ANKRD30B: variants seen among roughly 807,000 people sequenced by gnomAD.
The protein encoded by ANKRD30B is ankyrin repeat domain 30B.
ANKRD30B carries 144 observed loss-of-function variants against 202.2 expected under a neutral mutation model. The observed-to-expected ratio is 0.71, with a 90% CI of 0.62 to 0.82. ANKRD30B has a LOEUF of 0.82. Among genes scored for constraint, ANKRD30B ranks in the 40% least tolerant of loss-of-function variants. The pLI is 0.00. For missense variants in ANKRD30B, 1,487 were observed against 1,669.1 expected, an observed-to-expected ratio of 0.89 and a Z score of 1.90; for synonymous variants, 508 against 561.3, an observed-to-expected ratio of 0.91 and a Z score of 1.34.
At chr18:14,933,866 G>T in the ANKRD30B span, among the ~76,000 whole-genome samples, 2 of 152,206 alleles carry the variant, frequency 1.3e-5, no homozygotes, top group Non-Finnish European at 2.9e-5. Context: ...GTACAGGGCT[G>T]CTCTGAAACC....
At chr18:14,936,673 T>A in the ANKRD30B span, among the ~76,000 whole-genome samples, 1 of 152,202 alleles carries the variant, frequency 6.6e-6, no homozygotes, top group African/African-American at 2.4e-5. Context: ...ACAACCTCTC[T>A]GTGTGAGTAG....
chr18:14,865,024 C>G, the ANKRD30B span, among the ~76,000 whole-genome samples: 3 of 151,668 alleles, frequency 2.0e-5, no homozygotes, highest in African/African-American at 4.8e-5. Flanking sequence ...CCATCTACCC[C>G]GAACTATTTT....
At chr18:14,772,005 GA>G (rs771228637) in intron 8 of ANKRD30B, 150 bp from the exon 9 acceptor site, 11 of 417,532 alleles carry the variant, frequency 2.6e-5, no homozygotes, top group Non-Finnish European at 4.2e-5. Context: ...ATTCTACCAA[GA>G]AACATGATAT....
chr18:14,797,404 T>C (rs1164699838), intron 18 of ANKRD30B, among the ~76,000 whole-genome samples: 1 of 152,190 alleles, frequency 6.6e-6, no homozygotes, highest in Non-Finnish European at 1.5e-5. Context: ...TGGCATTGTC[T>C]TTACACAATC....
chr18:14,764,176 T>C (rs1379743972), intron 7 of ANKRD30B, 86 bp downstream of exon 7: 1 of 1,340,382 alleles, frequency 7.5e-7, no homozygotes, highest in Non-Finnish European at 9.9e-7. Flanking sequence ...TTGTTGGGAA[T>C]GTCTTGAATA....
At chr18:14,800,523 A>T (rs1359581055) in intron 22 of ANKRD30B, among the ~76,000 whole-genome samples, 1 of 151,070 alleles carries the variant, frequency 6.6e-6, no homozygotes, top group Non-Finnish European at 1.5e-5. Flanking sequence ...ACGGGGTTTC[A>T]CCATGTTAGC....
chr18:14,888,625 G>C, the ANKRD30B span: 2 of 397,542 alleles, frequency 5.0e-6, no homozygotes, highest in Non-Finnish European at 8.9e-6. Context: ...AAAATAAAAG[G>C]AAAGAAAATT....
At chr18:14,927,189 A>G in the ANKRD30B span, among the ~76,000 whole-genome samples, 1 of 152,216 alleles carries the variant, frequency 6.6e-6, no homozygotes, top group Non-Finnish European at 1.5e-5. Context: ...AGGTAAAGGC[A>G]CAAATTACCT....
chr18:14,846,993 T>C (rs1275493406), intron 39 of ANKRD30B, among the ~76,000 whole-genome samples: 1 of 141,094 alleles, frequency 7.1e-6, no homozygotes, highest in African/African-American at 2.7e-5. Context: ...TTCTTTGCTC[T>C]GTTTTGTTCT....
chr18:14,914,352 G>A, the ANKRD30B span, among the ~76,000 whole-genome samples: 1 of 152,186 alleles, frequency 6.6e-6, no homozygotes, highest in Non-Finnish European at 1.5e-5. Context: ...TTTGATTTGT[G>A]TGGGGATCCA....
At position 14,797,824 on chromosome 18, in the gene ANKRD30B, G is replaced by T. The variant is rs567238605; in HGVS notation, c.1999G>T (p.Glu667Ter). The T allele has an allele frequency of 1.5e-4, 226 of 1,551,166 alleles. No homozygotes were observed. In the South Asian group the frequency reaches 2.4e-3, roughly 17 times the overall value. ...AGTTTCTCTTCCAAATAAAGCCTTAGAATTAAAGGACAGAGAAACACTCAA... is the reference window on the plus strand; with the variant it reads ...AGTTTCTCTTCCAAATAAAGCCTTATAATTAAAGGACAGAGAAACACTCAA... ...RKVSLPNKAL[E>*]LKDRETLKAE... Residue 667 changes from glutamate (E) to a stop codon, truncating the protein, a stop_gained, in exon 20 of 44, where the codon GAA (glutamate) becomes TAA (stop). Coordinates refer to ENST00000690538, the MANE Select transcript of ANKRD30B (RefSeq NM_001367607.2). LOFTEE classifies it high-confidence loss of function.
chr18:14,829,014 CT>C (rs1279487601), intron 33 of ANKRD30B, among the ~76,000 whole-genome samples: 3 of 152,144 alleles, frequency 2.0e-5, no homozygotes, highest in African/African-American at 7.2e-5. Context: ...AAGCAGTCCC[CT>C]CTTAGTTGCA....
At chr18:14,820,927 C>G (rs1970381809) in intron 30 of ANKRD30B, among the ~76,000 whole-genome samples, 3 of 152,224 alleles carry the variant, frequency 2.0e-5, no homozygotes, top group East Asian at 3.9e-4. Flanking sequence ...GGAATAGTTT[C>G]AGAAGGAATG....
the ANKRD30B span, among the ~76,000 whole-genome samples, chr18:14,891,024 G>T: frequency 1.3e-5 from 2 of 151,988 alleles, no homozygotes; most frequent in African/African-American, 4.8e-5. Flanking sequence ...TTATTAAAAT[G>T]ATGTAAGAAT....
the ANKRD30B span, among the ~76,000 whole-genome samples, chr18:14,871,064 C>G: frequency 5.9e-4 from 64 of 108,312 alleles, no homozygotes; most frequent in African/African-American, 2.4e-3. Flanking sequence ...CCCACCCACA[C>G]ACCCCCACCC....
the ANKRD30B span, among the ~76,000 whole-genome samples, chr18:14,912,784 T>C: frequency 5.3e-5 from 8 of 152,364 alleles, no homozygotes; most frequent in East Asian, 1.5e-3. Context: ...AGTGATTCCA[T>C]AAAATTACTC....
the ANKRD30B span, among the ~76,000 whole-genome samples, chr18:14,862,954 G>A: frequency 2.0e-3 from 309 of 152,268 alleles, no homozygotes; most frequent in African/African-American, 7.0e-3. Flanking sequence ...GCCCAACTTC[G>A]CCATTTGGGA....
intron 30 of ANKRD30B, among the ~76,000 whole-genome samples, chr18:14,818,715 A>T (rs375012028): frequency 3.3e-5 from 5 of 151,856 alleles, no homozygotes; most frequent in Admixed American, 1.3e-4. Flanking sequence ...GGCTGCATAG[A>T]ATTCCATGGT....
At chr18:14,863,248 CGTT>C in the ANKRD30B span, among the ~76,000 whole-genome samples, 1 of 107,482 alleles carries the variant, frequency 9.3e-6, no homozygotes, top group Non-Finnish European at 2.1e-5. Flanking sequence ...TGATCTTAAA[CGTT>C]GGTGGTGGGC....
Sources: allele counts gnomAD v4.1 joint callset (sites outside exome capture counted in the v4.1 genomes callset), GRCh38; gene constraint gnomAD v4.1.1; transcripts MANE v1.5; gene names NCBI Gene and HGNC (gene_info 2026-07-23, HGNC 2026-07-21).